The following STS variants were observed in gnomAD, a reference collection of about 807,000 sequenced individuals.
STS encodes the protein steroid sulfatase.
Under a neutral mutation model 26.8 loss-of-function variants are expected in STS, and 7 were observed. The observed-to-expected ratio is 0.26, with a 90% CI of 0.15 to 0.49. The LOEUF (loss-of-function observed/expected upper bound fraction) is 0.49, where lower values mean the gene tolerates loss of function less well. STS is among the 20% of genes least tolerant of loss of function. STS has a pLI of 0.98. For synonymous variants in STS, 199 were observed against 189.4 expected (o/e 1.05, Z -0.42); for missense variants, 434 against 465.6 (o/e 0.93, Z 0.63).
At chrX:7,203,987 C>G (rs758174169) in intron 2 of STS, among the ~76,000 whole-genome samples, 45 of 111,155 alleles carry the variant, frequency 4.0e-4, no homozygotes, top group Non-Finnish European at 5.3e-4. Flanking sequence ...GTCTTGCCAT[C>G]TTGCGCAGGC....
At chrX:7,264,607 C>T (rs1923913028) in intron 6 of STS, among the ~76,000 whole-genome samples, 1 of 112,239 alleles carries the variant, frequency 8.9e-6, no homozygotes, top group Middle Eastern at 4.2e-3. Flanking sequence ...TCAGACTTTG[C>T]ATAAGGAAAA....
chrX:7,297,477 A>G (rs1925724272), intron 7 of STS, among the ~76,000 whole-genome samples: 1 of 111,820 alleles, frequency 8.9e-6, no homozygotes, highest in African/African-American at 3.2e-5. Flanking sequence ...TAATCTAATC[A>G]GTTTCCGAAT....
chrX:7,299,290 CATG>C (rs1336208085), intron 7 of STS, among the ~76,000 whole-genome samples: 5 of 95,043 alleles, frequency 5.3e-5, no homozygotes, highest in Non-Finnish European at 8.1e-5. Context: ...ATATAAATAA[CATG>C]ATAATAAATA....
At chrX:7,244,759 C>A (rs1244858495) in intron 2 of STS, among the ~76,000 whole-genome samples, 1 of 110,932 alleles carries the variant, frequency 9.0e-6, no homozygotes, top group African/African-American at 3.3e-5. Context: ...CCCTCCCCAC[C>A]AATAAAGACT....
Position 7,286,280 on chromosome X carries a change from A to G in STS, c.943+10193A>G, listed in dbSNP as rs192692899. Among the ~76,000 whole-genome samples, 424 of 111,265 alleles carry G rather than the reference A, an allele frequency of 3.8e-3. 5 individuals carry two copies. Among genetic ancestry groups the G allele is most frequent in the Admixed American group, 0.026 (266 of 10,333 alleles). On this transcript the variant is annotated intron_variant, in intron 7 of 10. Transcript: ENST00000674429. ...GTAATGTTAATTCCCCAAAGTGGAA[A>G]CTGCAGTTAAAAAAAAAGGAAATCC...
chrX:7,253,229 T>G lies in STS; in HGVS notation c.30T>G (p.Phe10Leu). ...AGATCCCTTTCCTCCTACTGTTCTT[T>G]CTGTGGGAAGCCGAGAGCCACGCAG... is the stretch of plus-strand genomic sequence containing the variant. MKIPFLLLF[F>L]LWEAESHAAS... Residue 10 changes from phenylalanine to leucine, a missense_variant, in exon 3 of 11, where the codon TTT (phenylalanine) becomes TTG (leucine). Phe to Leu is a conservative substitution (Grantham distance 22, BLOSUM62 0). Coordinates refer to ENST00000674429, the MANE Select transcript of STS (RefSeq NM_001320752.2). 1.7e-6 allele frequency: 2 copies of G among 1,211,278 alleles called. No individual in the cohort carries two copies. The highest frequency in any genetic ancestry group is 2.2e-6 in the Non-Finnish European group (2 of 895,263).
intron 9 of STS, among the ~76,000 whole-genome samples, chrX:7,329,693 T>C (rs1344787689): frequency 8.9e-6 from 1 of 112,203 alleles, no homozygotes; most frequent in Non-Finnish European, 1.9e-5. Flanking sequence ...CCTTTGCTTC[T>C]TTCTGCGTTT....
At chrX:7,190,083 C>G (rs1437447039) in intron 1 of STS, among the ~76,000 whole-genome samples, 4 of 110,702 alleles carry the variant, frequency 3.6e-5, no homozygotes, top group Non-Finnish European at 7.6e-5. Flanking sequence ...AAGTGTGTCA[C>G]ATTTATTGTG....
intron 2 of STS, among the ~76,000 whole-genome samples, chrX:7,200,322 G>A (rs1430644706): frequency 9.0e-6 from 1 of 111,013 alleles, no homozygotes; most frequent in African/African-American, 3.3e-5. Context: ...GAAAATTTTT[G>A]TCAGACATGT....
intron 2 of STS, among the ~76,000 whole-genome samples, chrX:7,192,998 A>G (rs1337076633): frequency 8.9e-6 from 1 of 112,571 alleles, no homozygotes; most frequent in Non-Finnish European, 1.9e-5. Flanking sequence ...AGAATAGTCA[A>G]TGGTCTTTTA....
chrX:7,288,192 C>T (rs1228469417), intron 7 of STS, among the ~76,000 whole-genome samples: 1 of 103,969 alleles, frequency 9.6e-6, no homozygotes. Context: ...TTTAAAGAGT[C>T]TTTTGCAATA....
intron 6 of STS, among the ~76,000 whole-genome samples, chrX:7,263,485 G>A (rs770860822): frequency 6.2e-5 from 7 of 112,721 alleles, no homozygotes; most frequent in African/African-American, 2.3e-4. Context: ...AGTCACATGC[G>A]GTGCAGGTTT....
chrX:7,342,471 TA>T (rs1928336440), intron 10 of STS, among the ~76,000 whole-genome samples: 1 of 112,195 alleles, frequency 8.9e-6, no homozygotes, highest in South Asian at 3.7e-4. Flanking sequence ...CAAGGCTTGG[TA>T]AAAGGGAGTA....
Position 7,259,887 on chromosome X carries a change from T to G in STS, c.806+115T>G, listed in dbSNP as rs771330840. 44 of 966,369 alleles carry G rather than the reference T, an allele frequency of 4.6e-5. No individual in the cohort carries two copies. In the African/African-American group the frequency reaches 8.4e-4, roughly 18 times the overall value. 79.6% of individuals were successfully genotyped at this position (966,369 alleles called of 1,213,427 possible). On this transcript the variant is annotated intron_variant, in intron 6 of 10. Transcript: ENST00000674429. Reference sequence around the variant, plus strand: ...GTTGTTGTTGTTTGTGGTTTGTTCGTTTTTTTGAGACAGAGTCTTGCTCTG... The same window carrying G: ...GTTGTTGTTGTTTGTGGTTTGTTCGGTTTTTTGAGACAGAGTCTTGCTCTG...
intron 8 of STS, among the ~76,000 whole-genome samples, chrX:7,312,652 G>A (rs1305719181): frequency 9.0e-6 from 1 of 110,919 alleles, no homozygotes; most frequent in African/African-American, 3.3e-5. Context: ...TTTTATAAAG[G>A]GCAGTTCCCC....
rs372359725 is a variant in STS at position 7,198,307 on chromosome X, C to T, written c.-5+7299C>T. On this transcript the variant is annotated intron_variant, in intron 2 of 10. Transcript: ENST00000674429. ...GCCCAAAGTGGGTTCTTCTTGCTGT[C>T]TTCTGTGCCTGGGTGAGATTGCAGA... Among the ~76,000 whole-genome samples, 8 of 111,400 alleles carry T rather than the reference C, an allele frequency of 7.2e-5. No individual in the cohort carries two copies. In the East Asian group the frequency reaches 2.0e-3, roughly 28 times the overall value.
At chrX:7,151,606 G>A (rs1054994066) in intron 1 of STS, among the ~76,000 whole-genome samples, 1 of 112,249 alleles carries the variant, frequency 8.9e-6, no homozygotes, top group Non-Finnish European at 1.9e-5. Context: ...GGCTGAATTC[G>A]CCACTCCTGG....
At chrX:7,300,702 C>T (rs1226802633) in intron 7 of STS, among the ~76,000 whole-genome samples, 1 of 111,225 alleles carries the variant, frequency 9.0e-6, no homozygotes, top group Non-Finnish European at 1.9e-5. Flanking sequence ...GCATGGCAGC[C>T]TCAGCTACTT....
chrX:7,249,856 G>A (rs757329237), intron 2 of STS, among the ~76,000 whole-genome samples: 43 of 111,239 alleles, frequency 3.9e-4, no homozygotes, highest in African/African-American at 1.3e-3. Flanking sequence ...TATGAATGTT[G>A]TTATATGATC....
Sources: allele counts gnomAD v4.1 joint callset (sites outside exome capture counted in the v4.1 genomes callset), GRCh38; gene constraint gnomAD v4.1.1; transcripts MANE v1.5; gene names NCBI Gene and HGNC (gene_info 2026-07-23, HGNC 2026-07-21).